COQ3: variants seen among roughly 807,000 people sequenced by gnomAD.
COQ3 encodes ubiquinone biosynthesis O-methyltransferase, mitochondrial.
A neutral mutation model predicts 33.1 loss-of-function variants in COQ3; 29 were observed. The ratio of observed to expected loss-of-function variants is 0.88; its 90% confidence interval spans 0.65 to 1.19. COQ3 has a LOEUF of 1.19. Ranked by LOEUF, COQ3 falls within the 50% of genes most tolerant of loss-of-function variation. The probability of loss-of-function intolerance (pLI) is 0.00; values close to 1 mark genes in which losing one functional copy is unlikely to be tolerated. For synonymous variants in COQ3, 173 were observed against 157.8 expected (o/e 1.10, Z -0.72); for missense variants, 437 against 430.7 (o/e 1.01, Z -0.13).
At chr6:99,381,224 C>T (rs1204327357) in intron 2 of COQ3, among the ~76,000 whole-genome samples, 3 of 152,148 alleles carry the variant, frequency 2.0e-5, no homozygotes, top group African/African-American at 4.8e-5. Flanking sequence ...CTGATTCCTA[C>T]CTCATCCCTT....
rs532695173 is a variant in COQ3 at position 99,378,810 on chromosome 6, G to C, written c.387-1325C>G. On this transcript the variant is annotated intron_variant, in intron 3 of 6. Transcript: ENST00000254759. ...TTCTCTTTTTGGTATACTAATTCTG[G>C]ATGAACCAGCAAAAACCAACCAGGA... Among the ~76,000 whole-genome samples, 30 of 152,184 alleles carry C rather than the reference G, an allele frequency of 2.0e-4. 1 individual carries two copies. In the South Asian group the frequency reaches 5.6e-3, roughly 28 times the overall value.
chr6:99,376,642 T>C (rs1774289744), intron 4 of COQ3, among the ~76,000 whole-genome samples: 1 of 152,226 alleles, frequency 6.6e-6, no homozygotes, highest in Non-Finnish European at 1.5e-5. Context: ...CTCAGCTTTT[T>C]TATTTAGTCA....
intron 1 of COQ3, among the ~76,000 whole-genome samples, chr6:99,388,744 A>G (rs1036358830): frequency 2.6e-5 from 4 of 152,086 alleles, no homozygotes; most frequent in Admixed American, 1.3e-4. Flanking sequence ...GCTACTCAGG[A>G]GGCTGAGGCA....
chr6:99,390,097 A>C (rs1774780161), intron 1 of COQ3, among the ~76,000 whole-genome samples: 1 of 152,184 alleles, frequency 6.6e-6, no homozygotes, highest in Non-Finnish European at 1.5e-5. Context: ...TGGGCGAAAG[A>C]GTGAGACTCC....
At chr6:99,380,464 C>T (rs1229410704) in intron 2 of COQ3, 123 bp from the exon 3 acceptor site, 7 of 1,012,868 alleles carry the variant, frequency 6.9e-6, no homozygotes, top group Admixed American at 2.7e-5. Context: ...GTATACTGCT[C>T]AATATTGATG....
intron 1 of COQ3, 125 bp downstream of exon 1, chr6:99,393,949 C>G: frequency 1.3e-6 from 1 of 749,938 alleles, no homozygotes; most frequent in Admixed American, 2.2e-5. Context: ...AGGACCAAGC[C>G]TTAGGTTTCG....
At chr6:99,390,174 T>A (rs1774782456) in intron 1 of COQ3, among the ~76,000 whole-genome samples, 1 of 152,030 alleles carries the variant, frequency 6.6e-6, no homozygotes, top group Non-Finnish European at 1.5e-5. Flanking sequence ...TGTTTCAGAG[T>A]CCCTGTAGGT....
intron 1 of COQ3, among the ~76,000 whole-genome samples, chr6:99,389,088 T>C (rs1393233950): frequency 6.6e-6 from 1 of 152,100 alleles, no homozygotes; most frequent in Non-Finnish European, 1.5e-5. Flanking sequence ...GAATAGTACA[T>C]GGAAATTCTC....
At chr6:99,382,494 A>G (rs1774501500) in intron 2 of COQ3, among the ~76,000 whole-genome samples, 1 of 152,208 alleles carries the variant, frequency 6.6e-6, no homozygotes, top group Admixed American at 6.5e-5. Context: ...TATTAATATT[A>G]TCTTAGGAAT....
intron 1 of COQ3, among the ~76,000 whole-genome samples, chr6:99,389,379 C>T (rs1774759431): frequency 6.6e-6 from 1 of 152,210 alleles, no homozygotes; most frequent in South Asian, 2.1e-4. Context: ...CCCGCCTCAG[C>T]CTCCCAAAGT....
rs11548336 is a variant in COQ3 at position 99,377,472 on chromosome 6, T to G, written c.400A>C (p.Lys134Gln). The change falls in exon 4 of 7, where the codon AAA becomes CAA. Residue 134 changes from lysine (K) to glutamine (Q), a missense_variant. Physicochemically the swap from Lys to Gln is moderately conservative, Grantham distance 53 (BLOSUM62 1). Transcript: ENST00000254759. ...CCTGGCTGGTGATTAGGAATTGTTT[T>G]CAGAAGATTGTCCCTTTTTTAAAAA... ...RVPFIRDNLL[K>Q]TIPNHQPGKP... The G allele has an allele frequency of 6.2e-7, 1 of 1,608,084 alleles. No individual in the cohort carries two copies. The highest frequency in any genetic ancestry group is 8.5e-7 in the Non-Finnish European group (1 of 1,177,338).
rs149339757 is a variant in COQ3 at position 99,373,203 on chromosome 6, T to C, written c.730-1616A>G. ...TAATTCTAGTGCTGAGGCAGGAGGA[T>C]TGCTCGAGACCAGGAGTTCAAGACA... On this transcript the variant is annotated intron_variant, in intron 5 of 6. Transcript: ENST00000254759. Among the ~76,000 whole-genome samples, 433 of 152,152 alleles carry C rather than the reference T, an allele frequency of 2.8e-3. 2 individuals carry two copies. The highest frequency in any genetic ancestry group is 9.8e-3 in the African/African-American group (406 of 41,518).
intron 3 of COQ3, among the ~76,000 whole-genome samples, 190 bp from the exon 4 acceptor site, chr6:99,377,675 AAAGGTCTG>A (rs1370244116): frequency 9.9e-5 from 15 of 152,192 alleles, no homozygotes; most frequent in African/African-American, 3.4e-4. Context: ...CAGGATGCTT[AAAGGTCTG>A]AAATAATCTA....
At chr6:99,381,250 A>G (rs1384684672) in intron 2 of COQ3, among the ~76,000 whole-genome samples, 1 of 152,150 alleles carries the variant, frequency 6.6e-6, no homozygotes, top group African/African-American at 2.4e-5. Context: ...TCTGTTCTCC[A>G]TGATGCATCT....
chr6:99,378,362 C>T (rs944564864), intron 3 of COQ3, among the ~76,000 whole-genome samples: 2 of 151,734 alleles, frequency 1.3e-5, no homozygotes, highest in African/African-American at 4.8e-5. Context: ...CAAATGAAGT[C>T]GATCCATTGT....
In COQ3 at chr6:99,376,067, C is replaced by G; in HGVS notation, c.602G>C (p.Arg201Thr). 5 of 1,614,180 alleles carry G rather than the reference C, an allele frequency of 3.1e-6. No homozygotes were observed. Among genetic ancestry groups the G allele is most frequent in the Non-Finnish European group, 4.2e-6 (5 of 1,180,016 alleles). ...DPVLDKRIEY[R>T]VCSLEEIVEE... ...CACAATCTCTTCCAGGGAACACACT[C>G]TGTACTCTATTCTCTTATCCAGGAC... is the stretch of plus-strand genomic sequence containing the variant. The change falls in exon 5 of 7, where the codon AGA becomes ACA. Residue 201 changes from arginine to threonine, a missense_variant. Coordinates refer to ENST00000254759, the MANE Select transcript of COQ3 (RefSeq NM_017421.4).
At chr6:99,374,992 T>TTG in intron 5 of COQ3, among the ~76,000 whole-genome samples, 1 of 151,982 alleles carries the variant, frequency 6.6e-6, no homozygotes, top group East Asian at 1.9e-4. Flanking sequence ...CTTTCTTTTT[T>TTG]TTTTTTTTTT....
At chr6:99,386,079 A>G (rs1344373444) in intron 1 of COQ3, among the ~76,000 whole-genome samples, 2 of 152,058 alleles carry the variant, frequency 1.3e-5, no homozygotes, top group East Asian at 3.9e-4. Context: ...AGAACTAGAA[A>G]AAGGTGAGCA....
At chr6:99,385,222 T>C (rs1223455593) in intron 1 of COQ3, among the ~76,000 whole-genome samples, 1 of 152,194 alleles carries the variant, frequency 6.6e-6, no homozygotes, top group Admixed American at 6.5e-5. Flanking sequence ...TCAACACTCT[T>C]CTCTCAGTAA....
Sources: gnomAD v4.1 joint callset for allele counts (sites outside exome capture counted in the v4.1 genomes callset) on GRCh38, gnomAD v4.1.1 for gene constraint, MANE v1.5 for transcripts, NCBI Gene and HGNC (gene_info 2026-07-23, HGNC 2026-07-21) for gene names.